Variants in AFG1L observed in about 807,000 individuals in gnomAD.
The protein encoded by AFG1L is AFG1-like ATPase.
Under a neutral mutation model 62.2 loss-of-function variants are expected in AFG1L, and 53 were observed. The ratio of observed to expected loss-of-function variants is 0.85; its 90% CI spans 0.68 to 1.07. The LOEUF is 1.07. Among genes scored for constraint, AFG1L ranks in the 50% least tolerant of loss-of-function variants. The probability of loss-of-function intolerance (pLI) is 0.00; values close to 1 mark genes in which losing one functional copy is unlikely to be tolerated. For missense variants in AFG1L, 555 were observed against 590.5 expected (o/e 0.94, Z 0.62); for synonymous variants, 228 against 210.3 (o/e 1.08, Z -0.73).
intron 8 of AFG1L, among the ~76,000 whole-genome samples, chr6:108,448,504 G>A (rs956412889): frequency 1.3e-5 from 2 of 151,126 alleles, no homozygotes; most frequent in African/African-American, 2.4e-5. Flanking sequence ...TTCAAAAAGT[G>A]TATCCTCATG....
rs115178873 is a variant in AFG1L at position 108,487,866 on chromosome 6, C to G, written c.1062+10574C>G. On this transcript the variant is annotated intron_variant, in intron 10 of 12. Transcript: ENST00000368977. ...AAATAAAGATGAAACAGATCTCGGACAGATTCTACCATCAAAATCAGGCAG... is the reference window on the plus strand; with the variant it reads ...AAATAAAGATGAAACAGATCTCGGAGAGATTCTACCATCAAAATCAGGCAG... 2.6e-3 allele frequency among the ~76,000 whole-genome samples: 393 copies of G among 152,274 alleles called. 2 individuals carry two copies. The highest frequency in any genetic ancestry group is 9.1e-3 in the African/African-American group (378 of 41,544).
At chr6:108,327,484 A>G (rs1778094976) in intron 2 of AFG1L, among the ~76,000 whole-genome samples, 2 of 152,194 alleles carry the variant, frequency 1.3e-5, no homozygotes. Flanking sequence ...GTGTCTGATG[A>G]GGGCCTGCTT....
At chr6:108,297,685 T>C (rs1776817815) in intron 1 of AFG1L, among the ~76,000 whole-genome samples, 1 of 151,360 alleles carries the variant, frequency 6.6e-6, no homozygotes, top group South Asian at 2.1e-4. Flanking sequence ...CAAAACCCCC[T>C]CTCTATAAAA....
chr6:108,466,447 C>T (rs1406657107), intron 8 of AFG1L, among the ~76,000 whole-genome samples: 1 of 152,096 alleles, frequency 6.6e-6, no homozygotes, highest in Non-Finnish European at 1.5e-5. Context: ...GGTTGAAGCC[C>T]TTACCCCAGT....
chr6:108,376,942 G>T (rs1388216245), intron 6 of AFG1L, among the ~76,000 whole-genome samples: 1 of 152,038 alleles, frequency 6.6e-6, no homozygotes, highest in Non-Finnish European at 1.5e-5. Context: ...TATATATTTA[G>T]GATAGTTAAC....
intron 1 of AFG1L, among the ~76,000 whole-genome samples, chr6:108,303,839 T>C (rs1184520734): frequency 1.3e-5 from 2 of 152,336 alleles, no homozygotes; most frequent in Non-Finnish European, 2.9e-5. Flanking sequence ...TAAAAATCTT[T>C]TGAAAAAAAT....
intron 11 of AFG1L, among the ~76,000 whole-genome samples, chr6:108,518,527 C>T (rs1259656359): frequency 1.3e-5 from 2 of 151,210 alleles, no homozygotes; most frequent in Non-Finnish European, 2.9e-5. Flanking sequence ...GGAGGGATAG[C>T]ATTAGGAGAT....
At chr6:108,437,842 C>T (rs1200281583) in intron 7 of AFG1L, among the ~76,000 whole-genome samples, 5 of 152,162 alleles carry the variant, frequency 3.3e-5, no homozygotes, top group Admixed American at 2.6e-4. Flanking sequence ...CTGTGGCTAC[C>T]GTTGAATAAC....
At chr6:108,504,065 A>G (rs1774303004) in intron 10 of AFG1L, among the ~76,000 whole-genome samples, 1 of 152,236 alleles carries the variant, frequency 6.6e-6, no homozygotes, top group African/African-American at 2.4e-5. Flanking sequence ...TCTTCTATCT[A>G]GACCACTCAG....
intron 6 of AFG1L, among the ~76,000 whole-genome samples, chr6:108,377,813 G>A (rs1780315011): frequency 6.8e-6 from 1 of 146,374 alleles, no homozygotes; most frequent in Non-Finnish European, 1.5e-5. Flanking sequence ...GATAAGGAAA[G>A]TTTCCTTTTT....
At position 108,398,280 on chromosome 6, in the gene AFG1L, G is replaced by T. The variant is rs891231329; in HGVS notation, c.749-3716G>T. On this transcript the variant is annotated intron_variant, in intron 6 of 12. Transcript: ENST00000368977. Reference sequence around the variant, plus strand: ...TAAGAAATGTTTATTCAAATCTTTTGCCCATCTTTTAATCAGATTTATTAG... The same window carrying T: ...TAAGAAATGTTTATTCAAATCTTTTTCCCATCTTTTAATCAGATTTATTAG... Among the ~76,000 whole-genome samples the T allele has an allele frequency of 5.3e-5, 8 of 152,178 alleles. No individual in the cohort carries two copies. In the East Asian group the frequency reaches 1.5e-3, roughly 29 times the overall value.
intron 1 of AFG1L, among the ~76,000 whole-genome samples, chr6:108,317,710 TG>T (rs2114270980): frequency 6.6e-6 from 1 of 152,250 alleles, no homozygotes; most frequent in South Asian, 2.1e-4. Context: ...TGAGAAATGG[TG>T]GGGTTAGCCT....
chr6:108,324,568 C>T (rs182691209), intron 2 of AFG1L, among the ~76,000 whole-genome samples: 2 of 152,276 alleles, frequency 1.3e-5, no homozygotes, highest in East Asian at 3.9e-4. Context: ...CCCATGGGGA[C>T]CTCCACACTT....
intron 10 of AFG1L, among the ~76,000 whole-genome samples, chr6:108,494,741 T>C (rs2114860484): frequency 6.6e-6 from 1 of 152,146 alleles, no homozygotes; most frequent in Admixed American, 6.5e-5. Context: ...CACATTTCAG[T>C]GCTCTGCTTT....
At chr6:108,354,049 G>A (rs1276676685) in intron 3 of AFG1L, among the ~76,000 whole-genome samples, 1 of 152,128 alleles carries the variant, frequency 6.6e-6, no homozygotes, top group African/African-American at 2.4e-5. Context: ...TGTGGTGGTG[G>A]GAGATGGGGA....
At chr6:108,483,430 A>G (rs919885836) in intron 10 of AFG1L, among the ~76,000 whole-genome samples, 2 of 152,202 alleles carry the variant, frequency 1.3e-5, no homozygotes, top group Non-Finnish European at 2.9e-5. Flanking sequence ...CCTGGAGCCA[A>G]AAAGTTTGAG....
chr6:108,412,625 A>G lies in AFG1L; in HGVS notation c.807+10571A>G, dbSNP rs1195193843. Among the ~76,000 whole-genome samples the G allele has an allele frequency of 2.9e-4, 44 of 152,212 alleles. 1 individual carries two copies. The highest frequency in any genetic ancestry group is 2.7e-3 in the Admixed American group (41 of 15,280). On this transcript the variant is annotated intron_variant, in intron 7 of 12. Transcript: ENST00000368977. ...GGGCCAATATTCAACATTCTTAAAG[A>G]AAAGAATTTTCAACCCAGAATTTTA...
At chr6:108,446,078 ACACACACACACACACAC>A (rs1465573011) in intron 7 of AFG1L, among the ~76,000 whole-genome samples, 2 of 151,370 alleles carry the variant, frequency 1.3e-5, no homozygotes, top group East Asian at 3.9e-4. Flanking sequence ...ACACACACAC[ACACACACACACACACAC>A]ACACACACCC....
chr6:108,347,193 C>A (rs1424727828), intron 3 of AFG1L, among the ~76,000 whole-genome samples, 154 bp downstream of exon 3: 2 of 152,064 alleles, frequency 1.3e-5, no homozygotes, highest in African/African-American at 4.8e-5. Context: ...GGAGAGAGGG[C>A]AGTTATCTCA....
Sources: gnomAD v4.1 joint callset for allele counts (sites outside exome capture counted in the v4.1 genomes callset) on GRCh38, gnomAD v4.1.1 for gene constraint, MANE v1.5 for transcripts, NCBI Gene and HGNC (gene_info 2026-07-23, HGNC 2026-07-21) for gene names.